CABIN1: variants seen among roughly 807,000 people sequenced by gnomAD.
CABIN1 encodes calcineurin-binding protein cabin-1.
CABIN1 carries 133 observed loss-of-function variants against 227.7 expected under a neutral mutation model. The observed-to-expected ratio is 0.58, with a 90% CI of 0.51 to 0.67. CABIN1 has a LOEUF of 0.67. Among genes scored for constraint, CABIN1 ranks in the 30% least tolerant of loss-of-function variants. The pLI, the probability that CABIN1 is intolerant of heterozygous loss-of-function variation, is 0.00. For synonymous variants in CABIN1, 1,086 were observed against 1,155.1 expected (o/e 0.94, Z 1.21); for missense variants, 2,408 against 2,852.5 (o/e 0.84, Z 3.55).
intron 32 of CABIN1, among the ~76,000 whole-genome samples, chr22:24,167,884 A>G (rs1159158225): frequency 6.6e-6 from 1 of 152,134 alleles, no homozygotes; most frequent in Non-Finnish European, 1.5e-5. Flanking sequence ...GAATCCCTAG[A>G]CACACTTGAC....
At chr22:24,106,183 A>G (rs1177554552) in intron 26 of CABIN1, among the ~76,000 whole-genome samples, 1 of 152,230 alleles carries the variant, frequency 6.6e-6, no homozygotes, top group East Asian at 1.9e-4. Flanking sequence ...CCAAAGGTAC[A>G]TGGCTGATGG....
intron 27 of CABIN1, among the ~76,000 whole-genome samples, chr22:24,117,876 G>C (rs1266899126): frequency 6.6e-6 from 1 of 152,208 alleles, no homozygotes; most frequent in Non-Finnish European, 1.5e-5. Flanking sequence ...ACCCTGTTTG[G>C]TGAGCCACAT....
intron 24 of CABIN1, among the ~76,000 whole-genome samples, chr22:24,094,565 T>C (rs5760205): frequency 0.27 from 40,647 of 151,488 alleles, 6,499 homozygotes; most frequent in African/African-American, 0.44. Context: ...CGCCTGTAAT[T>C]CCAGCACTTT....
rs775038216 is a variant in CABIN1 at position 24,166,954 on chromosome 22, C to T, written c.5323C>T (p.Arg1775Trp). ...EATVCHSDLE[R>W]TPPLLPGRPA... ...CACTGTTTGCCACTCAGACTTGGAG[C>T]GGACACCACCCCTGCTGCCAGGTCG... The change falls in exon 32 of 37, where the codon CGG becomes TGG. Residue 1775 changes from arginine to tryptophan, a missense_variant. Physicochemically the swap from Arg to Trp is moderately radical, Grantham distance 101. Around this residue, in one of 3 missense-constraint regions of CABIN1, gnomAD observed 714 missense variants for 773.8 expected, o/e 0.92. Coordinates refer to ENST00000263119, the MANE Select transcript of CABIN1 (RefSeq NM_012295.4). 4 of 1,594,822 alleles carry T rather than the reference C, an allele frequency of 2.5e-6. No individual in the cohort carries two copies. The highest frequency in any genetic ancestry group is 4.6e-5 in the East Asian group (2 of 43,660).
chr22:24,120,148 T>C (rs2043321579), intron 28 of CABIN1, among the ~76,000 whole-genome samples: 1 of 152,170 alleles, frequency 6.6e-6, no homozygotes, highest in South Asian at 2.1e-4. Flanking sequence ...CTAGGCCCCA[T>C]CTCTCCAGCT....
At chr22:24,043,426 T>TA (rs912034553) in intron 6 of CABIN1, among the ~76,000 whole-genome samples, 22 of 148,468 alleles carry the variant, frequency 1.5e-4, no homozygotes, top group Middle Eastern at 3.4e-3. Flanking sequence ...GGGCTGCCAT[T>TA]AAAAAAAAAT....
chr22:24,168,097 A>G (rs1158486400), intron 32 of CABIN1, among the ~76,000 whole-genome samples: 1 of 152,190 alleles, frequency 6.6e-6, no homozygotes, highest in Admixed American at 6.5e-5. Flanking sequence ...TGAGGATGTA[A>G]GTAACTCAGC....
At chr22:24,071,192 G>C (rs2040059930) in intron 17 of CABIN1, 150 bp downstream of exon 17, 1 of 1,119,776 alleles carries the variant, frequency 8.9e-7, no homozygotes, top group Admixed American at 2.0e-5. Flanking sequence ...GGGATCTGAG[G>C]AGGGGTTTGT....
At chr22:24,087,857 C>T in intron 23 of CABIN1, 144 bp downstream of exon 23, 1 of 1,110,314 alleles carries the variant, frequency 9.0e-7, no homozygotes, top group South Asian at 1.5e-5. Flanking sequence ...CCCCATGAGG[C>T]TTAAGCCATA....
intron 28 of CABIN1, among the ~76,000 whole-genome samples, chr22:24,133,497 G>A (rs948787123): frequency 1.3e-5 from 2 of 152,238 alleles, no homozygotes; most frequent in African/African-American, 4.8e-5. Context: ...ACCTGAGCGG[G>A]AGGGGAGGAC....
intron 27 of CABIN1, among the ~76,000 whole-genome samples, chr22:24,118,967 C>T (rs562062913): frequency 1.1e-4 from 16 of 152,336 alleles, no homozygotes; most frequent in East Asian, 1.9e-4. Flanking sequence ...TATGATACTT[C>T]GTGAACCCTG....
chr22:24,148,967 T>G (rs2045324738), intron 29 of CABIN1, among the ~76,000 whole-genome samples: 1 of 152,230 alleles, frequency 6.6e-6, no homozygotes, highest in Non-Finnish European at 1.5e-5. Context: ...TTCTCTTCCC[T>G]TTTTCCTCCC....
chr22:24,168,363 G>T (rs1442057209), intron 32 of CABIN1, 84 bp from the exon 33 acceptor site: 2 of 1,368,438 alleles, frequency 1.5e-6, no homozygotes, highest in African/African-American at 2.9e-5. Flanking sequence ...ACCTAGGCTG[G>T]TCTGTGCTAC....
At chr22:24,013,197 C>CTTTT (rs35584227) in intron 1 of CABIN1, among the ~76,000 whole-genome samples, 50 of 113,502 alleles carry the variant, frequency 4.4e-4, no homozygotes, top group Admixed American at 5.8e-4. Flanking sequence ...TCTTTTTAAG[C>CTTTT]TTTTTTTTTT....
Position 24,080,528 on chromosome 22 carries a change from G to A in CABIN1, c.2749-2700G>A, listed in dbSNP as rs370717372. 9.2e-5 allele frequency among the ~76,000 whole-genome samples: 14 copies of A among 152,254 alleles called. No individual in the cohort carries two copies. In the East Asian group the frequency reaches 2.3e-3, roughly 25 times the overall value. On this transcript the variant is annotated intron_variant, in intron 19 of 36. Coordinates refer to ENST00000263119, the MANE Select transcript of CABIN1 (RefSeq NM_012295.4). Reference sequence around the variant, plus strand: ...ATTGAGTCTTTCTAGTCGTAAATGTGGTATATCTCTCTGTTTATTTAGGTC... The same window carrying A: ...ATTGAGTCTTTCTAGTCGTAAATGTAGTATATCTCTCTGTTTATTTAGGTC...
At chr22:24,159,854 G>A (rs1007664455) in intron 29 of CABIN1, among the ~76,000 whole-genome samples, 10 of 152,308 alleles carry the variant, frequency 6.6e-5, no homozygotes, top group South Asian at 4.1e-4. Flanking sequence ...CAGCCACCCC[G>A]TCCACAGGCA....
At chr22:24,168,680 G>A (rs5760233) in intron 33 of CABIN1, 159 bp downstream of exon 33, 15 of 722,296 alleles carry the variant, frequency 2.1e-5, no homozygotes, top group Non-Finnish European at 3.5e-5. Flanking sequence ...CCTCCAGCAC[G>A]TGGCCATAGT....
chr22:24,134,035 G>A (rs916988392), intron 28 of CABIN1, among the ~76,000 whole-genome samples: 8 of 152,208 alleles, frequency 5.3e-5, no homozygotes, highest in Non-Finnish European at 7.4e-5. Context: ...TCAGGCCAGG[G>A]GTCTGTCAGT....
At chr22:24,093,817 T>C (rs2041709555) in intron 24 of CABIN1, among the ~76,000 whole-genome samples, 1 of 151,848 alleles carries the variant, frequency 6.6e-6, no homozygotes, top group Non-Finnish European at 1.5e-5. Flanking sequence ...AGGTCGAGGC[T>C]GTAGTGAGCT....
Sources: allele counts gnomAD v4.1 joint callset (sites outside exome capture counted in the v4.1 genomes callset), GRCh38; gene constraint gnomAD v4.1.1; regional missense constraint gnomAD v4.1.1; transcripts MANE v1.5; gene names NCBI Gene and HGNC (gene_info 2026-07-23, HGNC 2026-07-21).